UBE3A: variants seen among roughly 807,000 people sequenced by gnomAD.
UBE3A encodes the protein ubiquitin protein ligase E3A.
Under a neutral mutation model 83.4 loss-of-function variants are expected in UBE3A, and 6 were observed. That is an observed-to-expected ratio of 0.07 (90% CI 0.04 to 0.14). The LOEUF is 0.14. UBE3A is among the 10% of genes least tolerant of loss of function. The probability of loss-of-function intolerance (pLI) is 1.00; values close to 1 mark genes in which losing one functional copy is unlikely to be tolerated. For synonymous variants in UBE3A, 337 were observed against 355.4 expected (o/e 0.95, Z 0.58); for missense variants, 456 against 1,036.1 (o/e 0.44, Z 7.69).
chr15:25,390,490 G>C (rs939359541), intron 4 of UBE3A, among the ~76,000 whole-genome samples: 1 of 152,112 alleles, frequency 6.6e-6, no homozygotes, highest in African/African-American at 2.4e-5. Context: ...AGACATGGAA[G>C]AAACTTTAAT....
At chr15:25,413,307 T>C (rs1034788536) in intron 1 of UBE3A, among the ~76,000 whole-genome samples, 1 of 152,186 alleles carries the variant, frequency 6.6e-6, no homozygotes, top group African/African-American at 2.4e-5. Flanking sequence ...TTTCATTTTA[T>C]TCATTTCTAT....
chr15:25,370,042 T>G lies in UBE3A; in HGVS notation c.1608+524A>C, dbSNP rs377644594. 6.6e-6 allele frequency among the ~76,000 whole-genome samples: 1 copy of G among 152,154 alleles called. No homozygotes were observed. The highest frequency in any genetic ancestry group is 1.5e-5 in the Non-Finnish European group (1 of 68,018). Reference sequence around the variant, plus strand: ...GGCAGTGCCGTCCACACAGGGATATTCTAAGTGGCCCAGCAGGACTCAACT... The same window carrying G: ...GGCAGTGCCGTCCACACAGGGATATGCTAAGTGGCCCAGCAGGACTCAACT... On this transcript the variant is annotated intron_variant, in intron 6 of 12. Transcript: ENST00000648336. The surrounding 1 kb of genome is among the most constrained non-coding windows in gnomAD (Gnocchi z 4.2).
At chr15:25,386,924 A>G (rs2083263665) in intron 4 of UBE3A, among the ~76,000 whole-genome samples, 1 of 152,192 alleles carries the variant, frequency 6.6e-6, no homozygotes, top group Non-Finnish European at 1.5e-5. Flanking sequence ...GCCTTGCAAT[A>G]AGTGTTGGGA....
intron 11 of UBE3A, among the ~76,000 whole-genome samples, chr15:25,341,760 AAAAAAAAAAAAAAATTTCATCTC>A (rs1323718455): frequency 3.8e-4 from 51 of 133,992 alleles, no homozygotes; most frequent in African/African-American, 1.5e-3. Context: ...GAGCCATCTC[AAAAAAAAAAAAAAATTTCATCTC>A]AAAAAAAAAA....
At chr15:25,421,236 A>G (rs908179367) in intron 1 of UBE3A, among the ~76,000 whole-genome samples, 3 of 152,154 alleles carry the variant, frequency 2.0e-5, no homozygotes, top group Admixed American at 6.6e-5. Context: ...TGCTCTCGCC[A>G]TATGACACGC....
chr15:25,423,825 GCAT>G (rs750642279), intron 1 of UBE3A, among the ~76,000 whole-genome samples: 7 of 151,984 alleles, frequency 4.6e-5, no homozygotes, highest in Non-Finnish European at 8.8e-5. Flanking sequence ...AAAAACTTTG[GCAT>G]CATGTTTTAC....
rs1216874436 is a variant in UBE3A, at chr15:25,438,980, G to C, written c.-656C>G. ...ACCCCGAGCCCAGCGCCACCATCTT[G>C]GGAGACACACGGATCTCGCGGCCGC... On this transcript the variant is annotated 5_prime_UTR_variant, in exon 1 of 13. Transcript: ENST00000648336. 1 of 152,116 alleles carries C rather than the reference G, an allele frequency of 6.6e-6. No individual in the cohort carries two copies. Among genetic ancestry groups the C allele is most frequent in the Non-Finnish European group, 1.5e-5 (1 of 68,032 alleles). The allele number at this position is 152,116 out of a possible 1,614,324, so 9.4% of individuals were successfully genotyped here.
chr15:25,350,154 A>G (rs1011947097), intron 11 of UBE3A, among the ~76,000 whole-genome samples: 1 of 152,130 alleles, frequency 6.6e-6, no homozygotes, highest in Non-Finnish European at 1.5e-5. Flanking sequence ...CCAGCTACTC[A>G]GAGGGCTGAC....
intron 4 of UBE3A, among the ~76,000 whole-genome samples, chr15:25,396,391 G>C (rs1368085708): frequency 6.6e-6 from 1 of 151,544 alleles, no homozygotes; most frequent in Admixed American, 6.6e-5. Flanking sequence ...GATTACTTTG[G>C]GGCCAAGAGT....
At position 25,339,043 on chromosome 15, in the gene UBE3A, C is replaced by A; in HGVS notation, c.*94G>T. 4 of 1,377,402 alleles carry A rather than the reference C, an allele frequency of 2.9e-6. No homozygotes were observed. Among genetic ancestry groups the A allele is most frequent in the Non-Finnish European group, 2.8e-6 (3 of 1,054,386 alleles). The allele number at this position is 1,377,402 out of a possible 1,614,324, so 85.3% of individuals were successfully genotyped here. On this transcript the variant is annotated 3_prime_UTR_variant, in exon 13 of 13. Coordinates refer to ENST00000648336, the MANE Select transcript of UBE3A (RefSeq NM_130839.5). ...TTTTTGTACTGGGACACTATCACCA[C>A]CAAAAATTTATCCCTCGTTATATTT...
chr15:25,344,874 A>AT (rs1398660253), intron 11 of UBE3A, among the ~76,000 whole-genome samples: 1 of 152,180 alleles, frequency 6.6e-6, no homozygotes, highest in Non-Finnish European at 1.5e-5. Flanking sequence ...GATTAAGGTA[A>AT]TGATACTGAT....
intron 1 of UBE3A, among the ~76,000 whole-genome samples, chr15:25,429,856 T>C (rs1195680153): frequency 6.7e-6 from 1 of 149,356 alleles, no homozygotes; most frequent in East Asian, 2.0e-4. Flanking sequence ...AATACAAAAA[T>C]TAGCCGGGCG....
At position 25,430,248 on chromosome 15, in the gene UBE3A, TATATTATATATATAATACATATATAA is replaced by T. The variant is rs1567193621; in HGVS notation, c.-165+8215_-165+8240del. On this transcript the variant is annotated intron_variant, in intron 1 of 12. Transcript: ENST00000648336. ...TAATACATATATATAAGATTATATA[TATATTATATATATAATACATATATAA>T]GATTATATATATAATATATATAATA... Among the ~76,000 whole-genome samples, 5 of 2,192 alleles carry T rather than the reference TATATTATATATATAATACATATATAA, an allele frequency of 2.3e-3. 1 individual carries two copies. The highest frequency in any genetic ancestry group is 0.018 in the Admixed American group (1 of 56). 1.4% of individuals were successfully genotyped at this position (2,192 alleles called of 152,430 possible). A position where few individuals can be genotyped will look rare whatever the true frequency, so the allele number is the denominator to read the frequency against.
At chr15:25,377,457 A>C (rs750736481) in intron 4 of UBE3A, among the ~76,000 whole-genome samples, 10 of 152,240 alleles carry the variant, frequency 6.6e-5, no homozygotes, top group Non-Finnish European at 1.3e-4. Context: ...AAAATTAAAA[A>C]CTGTTATCAC....
intron 1 of UBE3A, among the ~76,000 whole-genome samples, chr15:25,429,700 A>T (rs1018499776): frequency 1.5e-4 from 23 of 151,766 alleles, no homozygotes; most frequent in African/African-American, 5.3e-4. Context: ...CAAACAAACA[A>T]ACATTTTTTT....
intron 4 of UBE3A, among the ~76,000 whole-genome samples, chr15:25,404,506 A>G (rs2087958112): frequency 6.6e-6 from 1 of 152,178 alleles, no homozygotes; most frequent in Middle Eastern, 3.2e-3. Context: ...AAATCACTAA[A>G]GTCTTACTTA....
chr15:25,344,547 C>T (rs2075358762), intron 11 of UBE3A, among the ~76,000 whole-genome samples: 2 of 152,012 alleles, frequency 1.3e-5, no homozygotes, highest in Non-Finnish European at 2.9e-5. Context: ...GATAGCTAAG[C>T]AATTTGAATA....
Position 25,375,651 on chromosome 15 carries a change from G to A in UBE3A, c.175C>T (p.Arg59Cys), listed in dbSNP as rs587783098. The change falls in exon 5 of 13, where the codon CGT (arginine) becomes TGT (cysteine). Residue 59 changes from arginine to cysteine, a missense_variant. This residue lies in a region of UBE3A where 20 missense variants were observed against 50.4 expected (regional missense o/e 0.40). Transcript: ENST00000648336. Reference sequence around the variant, plus strand: ...ATAGCTGCTGCATTATTATCCATACGAAGAAAAGTTGGACAGGAAGCACAA... The same window carrying A: ...ATAGCTGCTGCATTATTATCCATACAAAGAAAAGTTGGACAGGAAGCACAA... ...EFCASCPTFL[R>C]MDNNAAAIKA... is the part of the protein sequence containing the mutation. The A allele has an allele frequency of 3.7e-6, 6 of 1,613,968 alleles. No homozygotes were observed. The Admixed American group carries it at 8.3e-5, about 22-fold the overall frequency.
At position 25,339,105 on chromosome 15, in the gene UBE3A, CTTT is replaced by C. The variant is rs750480224; in HGVS notation, c.*29_*31del. On this transcript the variant is annotated 3_prime_UTR_variant, in exon 13 of 13. Coordinates refer to ENST00000648336, the MANE Select transcript of UBE3A (RefSeq NM_130839.5). Reference sequence around the variant, plus strand: ...TAAATTTTTTCTTTTTTTTTCCTTCCTTTTTTTTGTTTTATTTTGTTTTGTTTT... The same window carrying C: ...TAAATTTTTTCTTTTTTTTTCCTTCCTTTTTGTTTTATTTTGTTTTGTTTT... 14 of 1,440,366 alleles carry C rather than the reference CTTT, an allele frequency of 9.7e-6. No individual in the cohort carries two copies. Among genetic ancestry groups the C allele is most frequent in the African/African-American group, 4.4e-5 (3 of 68,242 alleles). 89.2% of individuals were successfully genotyped at this position (1,440,366 alleles called of 1,614,324 possible).
Sources: gnomAD v4.1 joint callset for allele counts (sites outside exome capture counted in the v4.1 genomes callset) on GRCh38, gnomAD v4.1.1 for gene constraint, gnomAD v4.1.1 regional missense constraint, Gnocchi (gnomAD v3.1) non-coding constraint, MANE v1.5 for transcripts, NCBI Gene and HGNC (gene_info 2026-07-23, HGNC 2026-07-21) for gene names.